PCDH9: variants seen among roughly 807,000 people sequenced by gnomAD.
PCDH9 encodes the protein protocadherin-9.
A neutral mutation model predicts 70.6 loss-of-function variants in PCDH9; 24 were observed. The observed-to-expected ratio is 0.34, with a 90% CI of 0.25 to 0.48. The LOEUF is 0.48. Ranked by LOEUF, PCDH9 falls within the 20% of genes least tolerant of loss-of-function variation. The probability of loss-of-function intolerance (pLI) is 0.99; values close to 1 mark genes in which losing one functional copy is unlikely to be tolerated. For missense variants in PCDH9, 1,281 were observed against 1,503.6 expected (o/e 0.85, Z 2.45); for synonymous variants, 562 against 558.5 (o/e 1.01, Z -0.09).
At chr13:66,460,313 T>C (rs2138450683) in intron 4 of PCDH9, among the ~76,000 whole-genome samples, 1 of 152,058 alleles carries the variant, frequency 6.6e-6, no homozygotes, top group Admixed American at 6.6e-5. Flanking sequence ...CTGCTACCTT[T>C]TCTAATTTGA....
intron 2 of PCDH9, chr13:67,203,793 C>G (rs2089273998): frequency 6.6e-6 from 1 of 151,812 alleles, no homozygotes; most frequent in Non-Finnish European, 1.5e-5. Context: ...AGTCTAAGAA[C>G]AGAAATTTTA....
At chr13:66,805,823 C>A (rs143819501) in intron 3 of PCDH9, among the ~76,000 whole-genome samples, 82 of 152,200 alleles carry the variant, frequency 5.4e-4, no homozygotes, top group African/African-American at 1.8e-3. Flanking sequence ...GGCAGACTGC[C>A]CTTTTGGCTT....
At chr13:66,906,554 T>G (rs2082364040) in intron 2 of PCDH9, among the ~76,000 whole-genome samples, 1 of 152,120 alleles carries the variant, frequency 6.6e-6, no homozygotes, top group African/African-American at 2.4e-5. Context: ...GATGCCCAGT[T>G]AAGTCCTTCC....
At chr13:66,552,283 T>C (rs2061708015) in intron 4 of PCDH9, among the ~76,000 whole-genome samples, 1 of 152,198 alleles carries the variant, frequency 6.6e-6, no homozygotes, top group African/African-American at 2.4e-5. Flanking sequence ...CAACCTATGC[T>C]GCTTTAGTGT....
chr13:67,070,094 T>TTATTTAAAAATATATTTTAAATAAA (rs1566403632), intron 2 of PCDH9, among the ~76,000 whole-genome samples: 7 of 62,566 alleles, frequency 1.1e-4, no homozygotes, highest in Non-Finnish European at 2.7e-4. Context: ...TTAAATAAAA[T>TTATTTAAAAATATATTTTAAATAAA]AGAGTTATTT....
chr13:66,810,409 T>C (rs990873649), intron 3 of PCDH9, among the ~76,000 whole-genome samples: 1 of 152,056 alleles, frequency 6.6e-6, no homozygotes, highest in African/African-American at 2.4e-5. Flanking sequence ...TTATTAGTTA[T>C]GAGACAATGG....
At chr13:66,807,668 A>T (rs960103573) in intron 3 of PCDH9, among the ~76,000 whole-genome samples, 1 of 152,172 alleles carries the variant, frequency 6.6e-6, no homozygotes. Context: ...TATTAATATA[A>T]TTTTTGAATA....
At chr13:66,965,094 C>A (rs935188333) in intron 2 of PCDH9, among the ~76,000 whole-genome samples, 1 of 151,708 alleles carries the variant, frequency 6.6e-6, no homozygotes, top group Non-Finnish European at 1.5e-5. Context: ...AAGAAAAAAA[C>A]ACACAGTTTA....
At chr13:66,981,004 ATG>A (rs2139772229) in intron 2 of PCDH9, among the ~76,000 whole-genome samples, 1 of 152,116 alleles carries the variant, frequency 6.6e-6, no homozygotes, top group South Asian at 2.1e-4. Flanking sequence ...AGTAAGCGCC[ATG>A]TGTTTTTCCA....
At chr13:66,579,112 C>T (rs2076854972) in intron 4 of PCDH9, among the ~76,000 whole-genome samples, 1 of 151,960 alleles carries the variant, frequency 6.6e-6, no homozygotes, top group Non-Finnish European at 1.5e-5. Flanking sequence ...AATGGAAGCC[C>T]CTCTATTCTA....
At chr13:66,827,035 C>T (rs116587157) in intron 3 of PCDH9, among the ~76,000 whole-genome samples, 2,307 of 152,168 alleles carry the variant, frequency 0.015, 71 homozygotes, top group African/African-American at 0.052. Context: ...GTGGAATATA[C>T]TTGTAGTCAT....
intron 3 of PCDH9, among the ~76,000 whole-genome samples, chr13:66,777,401 C>T (rs1291217661): frequency 6.6e-6 from 1 of 151,550 alleles, no homozygotes; most frequent in Admixed American, 6.6e-5. Flanking sequence ...GGCTAATATC[C>T]AGAATCTACA....
At chr13:66,382,288 A>G (rs1292824581) in intron 4 of PCDH9, among the ~76,000 whole-genome samples, 3 of 152,190 alleles carry the variant, frequency 2.0e-5, no homozygotes, top group Non-Finnish European at 2.9e-5. Context: ...TTTGAAGTGA[A>G]TCTAATTAGC....
intron 2 of PCDH9, among the ~76,000 whole-genome samples, chr13:67,074,525 A>T (rs567268259): frequency 7.2e-5 from 11 of 152,140 alleles, no homozygotes; most frequent in Non-Finnish European, 1.6e-4. Flanking sequence ...CATAATAGCA[A>T]AGGCTATGGA....
chr13:66,380,018 A>G (rs1242353853), intron 4 of PCDH9, among the ~76,000 whole-genome samples: 2 of 152,128 alleles, frequency 1.3e-5, no homozygotes, highest in Admixed American at 6.5e-5. Context: ...CACGTAGAAT[A>G]TATATATATT....
intron 3 of PCDH9, among the ~76,000 whole-genome samples, chr13:66,765,102 C>CT (rs2079693646): frequency 6.6e-6 from 1 of 150,638 alleles, no homozygotes; most frequent in Non-Finnish European, 1.5e-5. Flanking sequence ...CTCTCTGTAT[C>CT]TTTCTCTCTC....
chr13:67,020,736 C>T (rs1409401973), intron 2 of PCDH9, among the ~76,000 whole-genome samples: 2 of 152,124 alleles, frequency 1.3e-5, no homozygotes, highest in African/African-American at 4.8e-5. Flanking sequence ...TATAACATAT[C>T]ATATGTGGAG....
At chr13:66,708,142 C>T (rs977537747) in intron 3 of PCDH9, among the ~76,000 whole-genome samples, 14 of 151,182 alleles carry the variant, frequency 9.3e-5, no homozygotes, top group Admixed American at 6.6e-4. Context: ...CTCCGCCTCC[C>T]GGGTTCACGC....
chr13:66,744,971 T>A (rs762450663), intron 3 of PCDH9, among the ~76,000 whole-genome samples: 12 of 152,210 alleles, frequency 7.9e-5, no homozygotes, highest in Non-Finnish European at 1.5e-4. Flanking sequence ...TTCACCTATA[T>A]GAAATGAGCA....
Sources: gnomAD v4.1 joint callset for allele counts (sites outside exome capture counted in the v4.1 genomes callset) on GRCh38, gnomAD v4.1.1 for gene constraint, MANE v1.5 for transcripts, NCBI Gene and HGNC (gene_info 2026-07-23, HGNC 2026-07-21) for gene names.